NYAP2: variants seen among roughly 807,000 people sequenced by gnomAD.
NYAP2 encodes the protein neuronal tyrosine-phosphorylated phosphoinositide-3-kinase adapter 2.
Under a neutral mutation model 50.4 loss-of-function variants are expected in NYAP2, and 23 were observed. The observed-to-expected ratio is 0.46, with a 90% confidence interval of 0.33 to 0.65. The LOEUF (loss-of-function observed/expected upper bound fraction) is 0.65, where lower values mean the gene tolerates loss of function less well. Among genes scored for constraint, NYAP2 ranks in the 30% least tolerant of loss-of-function variants. NYAP2 has a pLI of 0.02. For synonymous variants in NYAP2, 394 were observed against 365.2 expected (o/e 1.08, Z -0.90); for missense variants, 885 against 861.0 (o/e 1.03, Z -0.35).
chr2:225,529,475 G>T (rs1188011383), intron 4 of NYAP2, among the ~76,000 whole-genome samples: 1 of 151,946 alleles, frequency 6.6e-6, no homozygotes, highest in South Asian at 2.1e-4. Context: ...ACAGACATGA[G>T]CCACCACGTC....
At chr2:225,640,068 T>G (rs1172360492) in intron 6 of NYAP2, among the ~76,000 whole-genome samples, 3 of 152,152 alleles carry the variant, frequency 2.0e-5, no homozygotes, top group Admixed American at 6.5e-5. Flanking sequence ...ATTTATGGAT[T>G]TTTAACCCAG....
chr2:225,629,352 A>T (rs1156263), intron 6 of NYAP2, among the ~76,000 whole-genome samples: 6 of 152,146 alleles, frequency 3.9e-5, no homozygotes, highest in Admixed American at 1.3e-4. Context: ...CTTTACTTAG[A>T]CTAGTGATTC....
At chr2:225,680,103 T>C in the NYAP2 span, among the ~76,000 whole-genome samples, 1 of 152,194 alleles carries the variant, frequency 6.6e-6, no homozygotes, top group African/African-American at 2.4e-5. Context: ...GTTGCATATT[T>C]CTTGCACACA....
intron 3 of NYAP2, among the ~76,000 whole-genome samples, chr2:225,478,186 G>A (rs1057432515): frequency 8.5e-5 from 13 of 152,100 alleles, no homozygotes; most frequent in African/African-American, 2.7e-4. Context: ...CACAAGCTAG[G>A]GGTAAGTGGT....
chr2:225,530,995 T>A (rs1691245275), intron 4 of NYAP2, among the ~76,000 whole-genome samples: 2 of 152,240 alleles, frequency 1.3e-5, no homozygotes. Context: ...ACTGGTCATC[T>A]TTCCTGCAGG....
intron 4 of NYAP2, among the ~76,000 whole-genome samples, chr2:225,572,376 C>G (rs1448374307): frequency 6.6e-6 from 1 of 152,222 alleles, no homozygotes; most frequent in Non-Finnish European, 1.5e-5. Context: ...AATTGACTCA[C>G]AGTTCTGTAT....
chr2:225,603,392 G>A (rs1479496963), intron 5 of NYAP2, among the ~76,000 whole-genome samples: 1 of 152,164 alleles, frequency 6.6e-6, no homozygotes, highest in Non-Finnish European at 1.5e-5. Flanking sequence ...AGATGTGACA[G>A]TCAAGTATAT....
At chr2:225,563,367 A>C (rs1225114214) in intron 4 of NYAP2, among the ~76,000 whole-genome samples, 2 of 152,164 alleles carry the variant, frequency 1.3e-5, no homozygotes, top group Non-Finnish European at 2.9e-5. Flanking sequence ...CAGCTGTAGG[A>C]AGCATTTGAC....
At position 225,622,562 on chromosome 2, in the gene NYAP2, TC is replaced by T. The variant is rs1457719695; in HGVS notation, c.1619-4354del. Among the ~76,000 whole-genome samples the T allele has an allele frequency of 3.1e-3, 222 of 72,748 alleles. 3 individuals are homozygous for T. Among genetic ancestry groups the T allele is most frequent in the Admixed American group, 0.024 (194 of 8,060 alleles). 47.7% of individuals were successfully genotyped at this position (72,748 alleles called of 152,430 possible). ...CTTTCTTTCTTTCTTTCTTTCTTTTTCTTTCTTTCTTTCTTTCTTCTTTCTT... is the reference window on the plus strand; with the variant it reads ...CTTTCTTTCTTTCTTTCTTTCTTTTTTTTCTTTCTTTCTTTCTTCTTTCTT... On this transcript the variant is annotated intron_variant, in intron 5 of 6. Coordinates refer to ENST00000636099, the Ensembl canonical transcript of NYAP2.
chr2:225,412,873 C>A (rs898340433), intron 3 of NYAP2, among the ~76,000 whole-genome samples: 1 of 152,132 alleles, frequency 6.6e-6, no homozygotes. Flanking sequence ...CACACTCAGA[C>A]CTCACCTCAA....
At chr2:225,591,711 T>C (rs1463421514) in intron 5 of NYAP2, among the ~76,000 whole-genome samples, 62 of 152,154 alleles carry the variant, frequency 4.1e-4, no homozygotes, top group Non-Finnish European at 8.8e-5. Context: ...GAACCCCGAT[T>C]ATTTGGCTCT....
chr2:225,408,549 A>C (rs1408036519), intron 2 of NYAP2, among the ~76,000 whole-genome samples: 2 of 152,082 alleles, frequency 1.3e-5, no homozygotes, highest in African/African-American at 4.8e-5. Flanking sequence ...CATTTTAAGA[A>C]ACAAAATTAT....
At chr2:225,419,246 C>T (rs1244937244) in intron 3 of NYAP2, among the ~76,000 whole-genome samples, 1 of 152,166 alleles carries the variant, frequency 6.6e-6, no homozygotes, top group Non-Finnish European at 1.5e-5. Flanking sequence ...GAATGCTTGA[C>T]ATTTTCAAAA....
intron 4 of NYAP2, among the ~76,000 whole-genome samples, chr2:225,539,325 T>C (rs1288308375): frequency 2.0e-5 from 3 of 152,250 alleles, no homozygotes; most frequent in African/African-American, 4.8e-5. Flanking sequence ...TGTGTCTTTA[T>C]AGTAGAATGA....
chr2:225,443,486 A>T (rs1209208967), intron 3 of NYAP2, among the ~76,000 whole-genome samples: 3 of 152,098 alleles, frequency 2.0e-5, no homozygotes, highest in Admixed American at 1.3e-4. Flanking sequence ...ATAAACCAAG[A>T]TCCTTTTACA....
chr2:225,600,104 C>T (rs1002978962), intron 5 of NYAP2, among the ~76,000 whole-genome samples: 1 of 152,112 alleles, frequency 6.6e-6, no homozygotes, highest in Non-Finnish European at 1.5e-5. Context: ...TCCAAGCATT[C>T]AGGGATAGGG....
chr2:225,599,871 T>C (rs1341804798), intron 5 of NYAP2, among the ~76,000 whole-genome samples: 2 of 152,198 alleles, frequency 1.3e-5, no homozygotes, highest in Non-Finnish European at 2.9e-5. Context: ...TATTATAAAA[T>C]ATATATGACA....
chr2:225,618,895 G>A (rs1035173436), intron 5 of NYAP2, among the ~76,000 whole-genome samples: 2 of 152,146 alleles, frequency 1.3e-5, no homozygotes, highest in African/African-American at 4.8e-5. Context: ...GAAAAGTGAA[G>A]GCAAGAATAG....
the NYAP2 span, chr2:225,701,910 C>A: frequency 6.6e-6 from 1 of 151,664 alleles, no homozygotes; most frequent in African/African-American, 2.4e-5. Context: ...TAGTTTGATT[C>A]TTTTGAGCAA....
Sources: gnomAD v4.1 joint callset for allele counts (sites outside exome capture counted in the v4.1 genomes callset) on GRCh38, gnomAD v4.1.1 for gene constraint, MANE v1.5 for transcripts, NCBI Gene and HGNC (gene_info 2026-07-23, HGNC 2026-07-21) for gene names.